The following APOO variants were observed in gnomAD, a reference collection of about 807,000 sequenced individuals.
The protein encoded by APOO is MICOS complex subunit MIC26.
Under a neutral mutation model 23.1 loss-of-function variants are expected in APOO, and 11 were observed. The observed-to-expected ratio is 0.48, with a 90% CI of 0.30 to 0.79. The LOEUF is 0.79. Among genes scored for constraint, APOO ranks in the 30% least tolerant of loss-of-function variants. APOO has a pLI of 0.07. For synonymous variants in APOO, 59 were observed against 54.8 expected (o/e 1.08, Z -0.34); for missense variants, 160 against 142.7 (o/e 1.12, Z -0.62).
intron 1 of APOO, among the ~76,000 whole-genome samples, chrX:23,893,835 G>A (rs979356689): frequency 3.0e-4 from 33 of 110,563 alleles, no homozygotes; most frequent in Non-Finnish European, 6.1e-4. Context: ...GCCTTCCAAA[G>A]TGCTGGGATT....
At chrX:23,871,970 T>C (rs1925640657) in intron 4 of APOO, among the ~76,000 whole-genome samples, 1 of 112,184 alleles carries the variant, frequency 8.9e-6, no homozygotes, top group Non-Finnish European at 1.9e-5. Flanking sequence ...CATTAATTAC[T>C]GTCTGGCCTG....
rs924266779 is a variant in APOO at position 23,882,378 on chromosome X, A to T, written c.10-1426T>A. Among the ~76,000 whole-genome samples the T allele has an allele frequency of 2.7e-5, 3 of 112,348 alleles. No individual in the cohort carries two copies. The South Asian group carries it at 1.1e-3, about 41-fold the overall frequency. On this transcript the variant is annotated intron_variant, in intron 1 of 8. Coordinates refer to ENST00000379226, the MANE Select transcript of APOO (RefSeq NM_024122.5). ...ATTACAGAATAGCCTCATCTTTCAC[A>T]TTACAGGCACTGCAAATCTCAGTAA...
intron 6 of APOO, among the ~76,000 whole-genome samples, chrX:23,858,239 G>A (rs1472904619): frequency 9.0e-6 from 1 of 111,410 alleles, no homozygotes; most frequent in Non-Finnish European, 1.9e-5. Context: ...CAGTACTAGG[G>A]AGGAGTGGAA....
rs1417131669 is a variant in APOO at position 23,861,023 on chromosome X, C to G, written c.389-2290G>C. Among the ~76,000 whole-genome samples the G allele has an allele frequency of 4.5e-5, 5 of 110,388 alleles. No homozygotes were observed. The East Asian group carries it at 1.4e-3, about 32-fold the overall frequency. ...GGTGTGGTGGCATGTGCCTGTGGTC[C>G]TAGCTACTCAGGAGGCTGAGGCTGG... On this transcript the variant is annotated intron_variant, in intron 5 of 8. Coordinates refer to ENST00000379226, the MANE Select transcript of APOO (RefSeq NM_024122.5).
chrX:23,845,606 CCTT>C (rs774818630), intron 7 of APOO, among the ~76,000 whole-genome samples: 78 of 112,546 alleles, frequency 6.9e-4, no homozygotes, highest in African/African-American at 2.4e-3. Flanking sequence ...CAGTAATTGT[CCTT>C]CTGTGATTAG....
chrX:23,862,871 ATGCAGGGGAT>A (rs1278284054), intron 5 of APOO, among the ~76,000 whole-genome samples: 23 of 57,758 alleles, frequency 4.0e-4, no homozygotes, highest in African/African-American at 1.4e-3. Flanking sequence ...GGAGGGAGGG[ATGCAGGGGAT>A]GGAAGGGGAG....
intron 7 of APOO, among the ~76,000 whole-genome samples, chrX:23,847,775 G>C (rs1336204404): frequency 9.3e-6 from 1 of 107,167 alleles, no homozygotes; most frequent in East Asian, 2.9e-4. Flanking sequence ...TGGGATTACA[G>C]GTGTGAGCCA....
intron 1 of APOO, among the ~76,000 whole-genome samples, chrX:23,886,391 G>A (rs1926367800): frequency 9.0e-6 from 1 of 111,644 alleles, no homozygotes; most frequent in South Asian, 3.7e-4. Context: ...TGGGGTATGG[G>A]TTATTCAAGG....
intron 7 of APOO, 43 bp downstream of exon 7, chrX:23,856,259 A>G (rs1024628611): frequency 8.9e-6 from 10 of 1,122,895 alleles, no homozygotes; most frequent in Non-Finnish European, 1.2e-5. Flanking sequence ...GAGAAACCAC[A>G]TATTTAAACC....
intron 5 of APOO, among the ~76,000 whole-genome samples, chrX:23,866,125 C>G (rs2038823478): frequency 1.8e-5 from 2 of 110,949 alleles, no homozygotes; most frequent in South Asian, 7.6e-4. Flanking sequence ...GAAGATTTTC[C>G]CACATGCTCT....
rs199760059 is a variant in APOO at position 23,878,939 on chromosome X, G to C, written c.213C>G (p.Cys71Trp). The part of the protein sequence containing the change: ...EESISQLRHY[C>W]EPYTTWCQET... Reference sequence around the variant, plus strand: ...CCTGACACCAGGTTGTGTATGGCTCGCAATAGTGTCGGAGCTGTGAGATGC... The same window carrying C: ...CCTGACACCAGGTTGTGTATGGCTCCCAATAGTGTCGGAGCTGTGAGATGC... The change falls in exon 3 of 9, where the codon TGC (cysteine) becomes TGG (tryptophan). Residue 71 changes from cysteine to tryptophan, a missense_variant. Coordinates refer to ENST00000379226, the MANE Select transcript of APOO (RefSeq NM_024122.5). 8.3e-7 allele frequency: 1 copy of C among 1,208,739 alleles called. No individual in the cohort carries two copies. Among genetic ancestry groups the C allele is most frequent in the East Asian group, 3.0e-5 (1 of 33,775 alleles).
At chrX:23,894,793 C>A in intron 1 of APOO, among the ~76,000 whole-genome samples, 1 of 106,208 alleles carries the variant, frequency 9.4e-6, no homozygotes, top group African/African-American at 3.4e-5. Flanking sequence ...TGAAACTCCG[C>A]TTAAAAAAAA....
At chrX:23,851,611 G>A (rs1215918218) in intron 7 of APOO, among the ~76,000 whole-genome samples, 2 of 112,673 alleles carry the variant, frequency 1.8e-5, no homozygotes, top group Non-Finnish European at 3.7e-5. Flanking sequence ...GCCCTAGACT[G>A]TACCAAGATG....
chrX:23,852,634 T>C (rs894334566), intron 7 of APOO, among the ~76,000 whole-genome samples: 9 of 108,690 alleles, frequency 8.3e-5, no homozygotes, highest in African/African-American at 3.0e-4. Context: ...AAAATATGAA[T>C]TAGATGATAC....
In APOO at chrX:23,906,264, T is replaced by C. The variant is rs745614905; in HGVS notation, c.9+1430A>G. Among the ~76,000 whole-genome samples the C allele has an allele frequency of 4.8e-4, 54 of 112,972 alleles. 1 individual carries two copies. The highest frequency in any genetic ancestry group is 1.7e-3 in the African/African-American group (54 of 31,206). On this transcript the variant is annotated intron_variant, in intron 1 of 8. Coordinates refer to ENST00000379226, the MANE Select transcript of APOO (RefSeq NM_024122.5). ...AGAAACAATTCTTGTTTTAAGGCAC[T>C]GGTTTGCAGTGATTTGTTACCCAAC...
At chrX:23,846,684 C>T (rs1048883323) in intron 7 of APOO, among the ~76,000 whole-genome samples, 3 of 108,664 alleles carry the variant, frequency 2.8e-5, no homozygotes, top group Non-Finnish European at 5.7e-5. Context: ...ACCCTGAGGA[C>T]TGACACCCAC....
intron 1 of APOO, among the ~76,000 whole-genome samples, chrX:23,887,926 T>C (rs73485543): frequency 0.03 from 3,311 of 111,631 alleles, 120 homozygotes; most frequent in African/African-American, 0.1. Context: ...CTCTAATGTG[T>C]TGGCTTCTCT....
chrX:23,834,483 G>A (rs963028553), intron 8 of APOO, among the ~76,000 whole-genome samples: 1 of 108,903 alleles, frequency 9.2e-6, no homozygotes, highest in Non-Finnish European at 1.9e-5. Flanking sequence ...GTATCTGAGT[G>A]TAATTAACCA....
intron 1 of APOO, among the ~76,000 whole-genome samples, chrX:23,900,396 C>T (rs780085272): frequency 2.3e-4 from 26 of 111,342 alleles, no homozygotes; most frequent in African/African-American, 7.5e-4. Context: ...TCAACTGGCC[C>T]GGCATGGTGA....
Sources: allele counts gnomAD v4.1 joint callset (sites outside exome capture counted in the v4.1 genomes callset), GRCh38; gene constraint gnomAD v4.1.1; transcripts MANE v1.5; gene names NCBI Gene and HGNC (gene_info 2026-07-23, HGNC 2026-07-21).